Variants in NOC4L observed in about 807,000 individuals in gnomAD.
The protein encoded by NOC4L is nucleolar complex protein 4 homolog.
A neutral mutation model predicts 62.8 loss-of-function variants in NOC4L; 40 were observed. The observed-to-expected ratio is 0.64, with a 90% CI of 0.49 to 0.83. NOC4L has a LOEUF of 0.83. Among genes scored for constraint, NOC4L ranks in the 40% least tolerant of loss-of-function variants. NOC4L has a pLI of 0.00. For missense variants in NOC4L, 927 were observed against 701.9 expected (o/e 1.32, Z -3.62); for synonymous variants, 433 against 299.8 (o/e 1.44, Z -4.59).
At position 132,144,934 on chromosome 12, in the gene NOC4L, G is replaced by A; in HGVS notation, c.198G>A (p.Leu66=). Reference sequence around the variant, plus strand: ...GGGCCTTGCTGGAGCGGGGAGAGCTGTTTGTGGGCCAGCTGCCCTCTGAGG... The same window carrying A: ...GGGCCTTGCTGGAGCGGGGAGAGCTATTTGTGGGCCAGCTGCCCTCTGAGG... ...LFGALLERGE[L]FVGQLPSEEM... is the part of the protein sequence containing the mutation. The change falls in exon 2 of 15, where the codon CTG becomes CTA. Residue 66 remains leucine, a synonymous_variant. Coordinates refer to ENST00000330579, the MANE Select transcript of NOC4L (RefSeq NM_024078.3). 6.2e-7 allele frequency: 1 copy of A among 1,601,254 alleles called. No homozygotes were observed. The highest frequency in any genetic ancestry group is 8.5e-7 in the Non-Finnish European group (1 of 1,174,884).
At chr12:132,145,152 C>T (rs1212181823) in intron 2 of NOC4L, among the ~76,000 whole-genome samples, 178 bp downstream of exon 2, 1 of 152,234 alleles carries the variant, frequency 6.6e-6, no homozygotes, top group East Asian at 1.9e-4. Context: ...CATGGGTGCC[C>T]TGCAGCTGAG....
intron 11 of NOC4L, 40 bp from the exon 12 acceptor site, chr12:132,151,444 A>C: frequency 1.3e-6 from 2 of 1,599,784 alleles, no homozygotes; most frequent in Non-Finnish European, 1.7e-6. Flanking sequence ...GGTGGGGGCT[A>C]GCAGTCCGGG....
In NOC4L at chr12:132,152,366, G is replaced by A. The variant is rs1370465544; in HGVS notation, c.1516G>A (p.Gly506Ser). The change falls in exon 15 of 15, where the codon GGT (glycine) becomes AGT (serine). Residue 506 changes from glycine (G) to serine (S), a missense_variant. Transcript: ENST00000330579. ...IPAQGLLGRP[G>S]ELCAQHFTLS The stretch of plus-strand genomic sequence containing the variant: ...AGCCCAGGGCCTGCTGGGACGGCCG[G>A]GTGAACTCTGTGCCCAGCACTTCAC... The A allele has an allele frequency of 3.2e-6, 5 of 1,576,638 alleles. No individual in the cohort carries two copies. The highest frequency in any genetic ancestry group is 1.2e-5 in the South Asian group (1 of 86,406).
At chr12:132,148,733 G>T (rs1227500274) in intron 8 of NOC4L, 51 bp from the exon 9 acceptor site, 1 of 205,740 alleles carries the variant, frequency 4.9e-6, no homozygotes, top group African/African-American at 6.1e-5. Flanking sequence ...ACCCCGACCC[G>T]CCGGCCCCCG....
Position 132,147,752 on chromosome 12 carries a change from C to T in NOC4L, c.573C>T (p.Ala191=), listed in dbSNP as rs148171235. The T allele has an allele frequency of 2.0e-4, 322 of 1,612,762 alleles. 1 individual carries two copies. In the African/African-American group the frequency reaches 3.2e-3, roughly 16 times the overall value. Residue 191 remains alanine, a synonymous_variant, in exon 5 of 15, where the codon GCC becomes GCT. Coordinates refer to ENST00000330579, the MANE Select transcript of NOC4L (RefSeq NM_024078.3). ...RYHTMQAAVD[A]VARVTGQHPE... is the part of the protein sequence containing the mutation. Reference sequence around the variant, plus strand: ...ACACCATGCAGGCAGCCGTGGATGCCGTGGCCCGGGTCACTGGCCAGCACC... The same window carrying T: ...ACACCATGCAGGCAGCCGTGGATGCTGTGGCCCGGGTCACTGGCCAGCACC...
intron 9 of NOC4L, chr12:132,150,767 C>T (rs986873974): frequency 5.1e-6 from 3 of 593,432 alleles, no homozygotes; most frequent in Middle Eastern, 4.5e-4. Context: ...CTCACACCCC[C>T]AACCCCCACC....
chr12:132,144,750 C>T (rs1340822812), intron 1 of NOC4L, 104 bp from the exon 2 acceptor site: 3 of 1,238,152 alleles, frequency 2.4e-6, no homozygotes, highest in East Asian at 7.3e-5. Flanking sequence ...TCGGGGGTGA[C>T]GGGGCTGGCG....
intron 3 of NOC4L, 100 bp downstream of exon 3, chr12:132,145,765 A>G: frequency 1.3e-6 from 1 of 776,400 alleles, no homozygotes; most frequent in Non-Finnish European, 2.1e-6. Flanking sequence ...TTGTCCAGGC[A>G]AAGCTGCTTC....
At chr12:132,148,573 G>T in intron 7 of NOC4L, 36 bp from the exon 8 acceptor site, 2 of 1,548,782 alleles carry the variant, frequency 1.3e-6, no homozygotes, top group Non-Finnish European at 1.7e-6. Flanking sequence ...GTCTGGGGTG[G>T]GGAGGGCGGC....
chr12:132,146,160 G>T, intron 3 of NOC4L: 1 of 442,300 alleles, frequency 2.3e-6, no homozygotes, highest in Non-Finnish European at 4.6e-6. Flanking sequence ...TCCATATCCC[G>T]CCCCTTTCCA....
chr12:132,145,687 A>C, intron 3 of NOC4L, 22 bp downstream of exon 3: 2 of 1,512,996 alleles, frequency 1.3e-6, no homozygotes, highest in Non-Finnish European at 1.8e-6. Flanking sequence ...GGCTGGCCTC[A>C]TCCTTGTCCA....
Position 132,147,959 on chromosome 12 carries a change from G to T in NOC4L, c.683G>T (p.Ser228Ile). 2 of 1,610,180 alleles carry T rather than the reference G, an allele frequency of 1.2e-6. No individual in the cohort carries two copies. Among genetic ancestry groups the T allele is most frequent in the Non-Finnish European group, 1.7e-6 (2 of 1,178,632 alleles). The change falls in exon 6 of 15, where the codon AGC (serine) becomes ATC (isoleucine). Residue 228 changes from serine to isoleucine, a missense_variant. Physicochemically the swap from Ser to Ile is moderately radical, Grantham distance 142. Coordinates refer to ENST00000330579, the MANE Select transcript of NOC4L (RefSeq NM_024078.3). ...SLPRREPTVS[S>I]FYVKRAELWD... ...CCCCGCCGGGAGCCCACCGTCTCCA[G>T]CTTCTATGTGAAGCGGGCGGGTGAG...
At chr12:132,146,710 T>C (rs758546308) in intron 3 of NOC4L, among the ~76,000 whole-genome samples, 1 of 152,122 alleles carries the variant, frequency 6.6e-6, no homozygotes, top group African/African-American at 2.4e-5. Flanking sequence ...CAGAAAGAAA[T>C]AATCAGTTCT....
chr12:132,148,727 C>G (rs1445257214), intron 8 of NOC4L, 57 bp from the exon 9 acceptor site: 3 of 1,387,974 alleles, frequency 2.2e-6, no homozygotes, highest in African/African-American at 1.5e-5. Flanking sequence ...GGCCTCACCC[C>G]GACCCGCCGG....
chr12:132,145,915 C>T (rs933566739), intron 3 of NOC4L, among the ~76,000 whole-genome samples: 6 of 152,304 alleles, frequency 3.9e-5, no homozygotes, highest in Non-Finnish European at 5.9e-5. Context: ...GCATAGAGCA[C>T]GCACACCAAG....
intron 8 of NOC4L, 27 bp downstream of exon 8, chr12:132,148,686 G>A: frequency 4.6e-6 from 7 of 1,536,212 alleles, no homozygotes; most frequent in Non-Finnish European, 6.2e-6. Flanking sequence ...GGAGGGGGCG[G>A]GGGCGGCATC....
In NOC4L at chr12:132,152,409, C is replaced by G. The variant is rs773991662; in HGVS notation, c.*8C>G. ...CACTTCACGCTCAGCTGACCCTGGC[C>G]CACCTGTGAATAAATCTCAGCTGAC... On this transcript the variant is annotated 3_prime_UTR_variant, in exon 15 of 15. Coordinates refer to ENST00000330579, the MANE Select transcript of NOC4L (RefSeq NM_024078.3). 2 of 1,571,450 alleles carry G rather than the reference C, an allele frequency of 1.3e-6. No homozygotes were observed. The highest frequency in any genetic ancestry group is 1.7e-6 in the Non-Finnish European group (2 of 1,155,696).
Position 132,148,870 on chromosome 12 carries a change from C to A in NOC4L, c.876C>A (p.Asp292Glu). Residue 292 changes from aspartate (D) to glutamate (E), a missense_variant, in exon 9 of 15, where the codon GAC becomes GAA. Physicochemically the swap from Asp to Glu is conservative, Grantham distance 45. Transcript: ENST00000330579. ...PQLAQPTLMI[D>E]FLTRACDLGG... ...TGGCGCAGCCCACGCTCATGATCGA[C>A]TTCCTCACCCGCGCCTGCGACCTCG... The A allele has an allele frequency of 6.3e-7, 1 of 1,599,122 alleles. No homozygotes were observed. Among genetic ancestry groups the A allele is most frequent in the Non-Finnish European group, 8.5e-7 (1 of 1,178,260 alleles).
At position 132,150,995 on chromosome 12, in the gene NOC4L, C is replaced by T. The variant is rs768850664; in HGVS notation, c.916C>T (p.Leu306Phe). Residue 306 changes from leucine to phenylalanine, a missense_variant, in exon 10 of 15, where the codon CTC (leucine) becomes TTC (phenylalanine). By Grantham distance (22) the Leu-to-Phe change is conservative. Coordinates refer to ENST00000330579, the MANE Select transcript of NOC4L (RefSeq NM_024078.3). Reference sequence around the variant, plus strand: ...TCTGTCTGCAGGGGGGGCCCTCAGCCTCTTGGCCTTGAACGGGCTGTTCAT... The same window carrying T: ...TCTGTCTGCAGGGGGGGCCCTCAGCTTCTTGGCCTTGAACGGGCTGTTCAT... The part of the protein sequence containing the change: ...RACDLGGALS[L>F]LALNGLFILI... 3.1e-6 allele frequency: 5 copies of T among 1,610,478 alleles called. No individual in the cohort carries two copies. Among genetic ancestry groups the T allele is most frequent in the East Asian group, 2.2e-5 (1 of 44,880 alleles).
Sources: gnomAD v4.1 joint callset for allele counts (sites outside exome capture counted in the v4.1 genomes callset) on GRCh38, gnomAD v4.1.1 for gene constraint, MANE v1.5 for transcripts, NCBI Gene and HGNC (gene_info 2026-07-23, HGNC 2026-07-21) for gene names.